Variants in CHD4 observed in about 807,000 individuals in gnomAD.
CHD4 encodes chromodomain helicase DNA binding protein 4, also known as ATP-dependent chromatin remodeler CHD4.
A neutral mutation model predicts 235.5 loss-of-function variants in CHD4; 35 were observed. The observed-to-expected ratio is 0.15, with a 90% confidence interval of 0.11 to 0.20. CHD4 has a LOEUF of 0.20. CHD4 is among the 10% of genes least tolerant of loss of function. CHD4 has a pLI of 1.00. For synonymous variants in CHD4, 900 were observed against 850.2 expected, an observed-to-expected ratio of 1.06 and a Z score of -1.02; for missense variants, 1,329 against 2,432.3, an observed-to-expected ratio of 0.55 and a Z score of 9.54.
chr12:6,604,909 C>T (rs1039215843), intron 2 of CHD4, among the ~76,000 whole-genome samples: 9 of 152,150 alleles, frequency 5.9e-5, no homozygotes, highest in Non-Finnish European at 1.3e-4. Context: ...GTTTAGGCAG[C>T]ACTACTGTTT....
chr12:6,588,567 C>A, intron 22 of CHD4, 145 bp from the exon 23 acceptor site: 1 of 865,714 alleles, frequency 1.2e-6, no homozygotes, highest in Non-Finnish European at 1.7e-6. Context: ...CATTTGACAT[C>A]AGGAGTTCGA....
chr12:6,604,302 C>T (rs1039668000), intron 2 of CHD4, among the ~76,000 whole-genome samples: 1 of 152,088 alleles, frequency 6.6e-6, no homozygotes, highest in Non-Finnish European at 1.5e-5. Flanking sequence ...AATATCCCTC[C>T]TTCAATCCCT....
chr12:6,602,221 TAC>T (rs764782051), intron 3 of CHD4, 46 bp from the exon 4 acceptor site: 6 of 1,605,960 alleles, frequency 3.7e-6, no homozygotes, highest in Non-Finnish European at 5.1e-6. Flanking sequence ...ACACACATGC[TAC>T]ACACATGCTG....
chr12:6,570,604 G>C lies in CHD4; in HGVS notation c.*72C>G. The C allele has an allele frequency of 6.3e-7, 1 of 1,595,100 alleles. No individual in the cohort carries two copies. Among genetic ancestry groups the C allele is most frequent in the Non-Finnish European group, 8.6e-7 (1 of 1,163,336 alleles). ...AAGGTGAGGGTCTCTCAGGCCCCCAGGGGAGAAGCTGGGACAAGAGAAAGT... is the reference window on the plus strand; with the variant it reads ...AAGGTGAGGGTCTCTCAGGCCCCCACGGGAGAAGCTGGGACAAGAGAAAGT... On this transcript the variant is annotated 3_prime_UTR_variant, in exon 40 of 40. Transcript: ENST00000544040.
At chr12:6,576,611 T>A (rs1948075620) in intron 37 of CHD4, among the ~76,000 whole-genome samples, 1 of 152,090 alleles carries the variant, frequency 6.6e-6, no homozygotes, top group East Asian at 1.9e-4. Flanking sequence ...AGAACTTTCT[T>A]TTCTTGTCTT....
chr12:6,574,120 TGTAGTA>T lies in CHD4; in HGVS notation c.5362-857_5362-852del, dbSNP rs1470270754. Among the ~76,000 whole-genome samples, 10 of 152,362 alleles carry T rather than the reference TGTAGTA, an allele frequency of 6.6e-5. No homozygotes were observed. The East Asian group carries it at 1.9e-3, about 29-fold the overall frequency. ...TTCCTCTGAAAAGCAACTTTTCTAATGTAGTAATACTGTGGCTTTTTGTGTAGGTTT... is the reference window on the plus strand; with the variant it reads ...TTCCTCTGAAAAGCAACTTTTCTAATATACTGTGGCTTTTTGTGTAGGTTT... On this transcript the variant is annotated intron_variant, in intron 37 of 39. Transcript: ENST00000544040.
intron 12 of CHD4, 51 bp from the exon 13 acceptor site, chr12:6,596,188 C>A: frequency 6.2e-7 from 1 of 1,602,454 alleles, no homozygotes; most frequent in South Asian, 1.1e-5. Flanking sequence ...CAACCCTCCT[C>A]ACTTCCTCTC....
intron 38 of CHD4, among the ~76,000 whole-genome samples, chr12:6,572,254 C>G (rs545587748): frequency 8.9e-4 from 134 of 151,058 alleles, no homozygotes; most frequent in Middle Eastern, 3.4e-3. Context: ...GGTGAAACTC[C>G]ATCTCTACTA....
intron 33 of CHD4, chr12:6,579,655 G>A (rs976476942): frequency 6.6e-6 from 1 of 151,412 alleles, no homozygotes; most frequent in Non-Finnish European, 1.5e-5. Context: ...GCAGACTGAG[G>A]CAGGAGAATC....
intron 4 of CHD4, 91 bp from the exon 5 acceptor site, chr12:6,601,857 T>C (rs1948597390): frequency 1.8e-5 from 28 of 1,562,678 alleles, no homozygotes; most frequent in Non-Finnish European, 2.4e-5. Flanking sequence ...GTAACAGAGT[T>C]AAGAGGAAAA....
At chr12:6,606,195 G>A (rs1948693966) in intron 2 of CHD4, 79 bp downstream of exon 2, 3 of 967,824 alleles carry the variant, frequency 3.1e-6, no homozygotes, top group Non-Finnish European at 4.7e-6. Context: ...GAGCAACACA[G>A]CCCTGCCTCA....
chr12:6,575,895 C>T (rs1463687599), intron 37 of CHD4, among the ~76,000 whole-genome samples: 1 of 152,198 alleles, frequency 6.6e-6, no homozygotes, highest in African/African-American at 2.4e-5. Flanking sequence ...GCTTTGCTGG[C>T]TCACATCTTT....
chr12:6,607,122 G>C (rs894763966), intron 1 of CHD4, 178 bp downstream of exon 1: 4 of 152,316 alleles, frequency 2.6e-5, no homozygotes, highest in Non-Finnish European at 4.4e-5. Flanking sequence ...GGGTTAGGGC[G>C]GGGGCTGGGG....
In CHD4 at chr12:6,592,583, GAA is replaced by G. The variant is rs773125431; in HGVS notation, c.2775-19_2775-18del. 5 of 1,580,122 alleles carry G rather than the reference GAA, an allele frequency of 3.2e-6. No individual in the cohort carries two copies. The highest frequency in any genetic ancestry group is 1.1e-5 in the South Asian group (1 of 87,810). ...TCCAAATTGCTTCAGAAAGAAAAAG[GAA>G]AAAAGTTATTGGAGAAGGAGAAAGG... On this transcript the variant is annotated intron_variant, in intron 18 of 39. Transcript: ENST00000544040.
At chr12:6,601,183 CCCT>C in intron 6 of CHD4, 103 bp downstream of exon 6, 3 of 1,535,558 alleles carry the variant, frequency 2.0e-6, no homozygotes, top group Non-Finnish European at 2.6e-6. Context: ...ACTCATTCCT[CCCT>C]CCTATCTCCT....
intron 35 of CHD4, 59 bp from the exon 36 acceptor site, chr12:6,578,196 A>G: frequency 6.8e-7 from 1 of 1,479,732 alleles, no homozygotes; most frequent in Non-Finnish European, 9.4e-7. Flanking sequence ...GTGAGAATTG[A>G]AAAAGCTACT....
chr12:6,598,408 G>A lies in CHD4; in HGVS notation c.1500C>T (p.Gly500=). ...TCCAGATTAGGATCTTCTGCACTTT[G>A]CCCTTCAGAGCTGGACACTGAGAGA... ...CPRCTCPALK[G]KVQKILIWKW... is the part of the protein sequence containing the mutation. The change falls in exon 11 of 40, where the codon GGC becomes GGT. Residue 500 remains glycine, a synonymous_variant. Coordinates refer to ENST00000544040, the MANE Select transcript of CHD4 (RefSeq NM_001273.5). 6.2e-7 allele frequency: 1 copy of A among 1,605,584 alleles called. No individual in the cohort carries two copies. The highest frequency in any genetic ancestry group is 8.5e-7 in the Non-Finnish European group (1 of 1,175,188).
At chr12:6,604,435 T>C (rs1470352173) in intron 2 of CHD4, among the ~76,000 whole-genome samples, 1 of 152,158 alleles carries the variant, frequency 6.6e-6, no homozygotes, top group Non-Finnish European at 1.5e-5. Flanking sequence ...TCAGCCTCCC[T>C]GCTTCTCAGC....
chr12:6,605,973 T>G (rs1948688262), intron 2 of CHD4, among the ~76,000 whole-genome samples: 1 of 151,800 alleles, frequency 6.6e-6, no homozygotes, highest in African/African-American at 2.4e-5. Context: ...CTACCTGCAT[T>G]CCTCCGAGGA....
Sources: allele counts gnomAD v4.1 joint callset (sites outside exome capture counted in the v4.1 genomes callset), GRCh38; gene constraint gnomAD v4.1.1; transcripts MANE v1.5; gene names NCBI Gene and HGNC (gene_info 2026-07-23, HGNC 2026-07-21).